Variants in OTOP1 observed in about 807,000 individuals in gnomAD.
OTOP1 encodes proton channel OTOP1.
OTOP1 carries 59 observed loss-of-function variants against 52.9 expected under a neutral mutation model. The observed-to-expected ratio is 1.12, with a 90% CI of 0.91 to 1.39. OTOP1 has a LOEUF of 1.39. OTOP1 is among the 40% of genes most tolerant of loss of function. The pLI is 0.00. For synonymous variants in OTOP1, 317 were observed against 337.7 expected (o/e 0.94, Z 0.67); for missense variants, 761 against 800.9 (o/e 0.95, Z 0.60).
intron 1 of OTOP1, among the ~76,000 whole-genome samples, chr4:4,221,010 C>G (rs1717288766): frequency 1.3e-5 from 2 of 151,656 alleles, no homozygotes; most frequent in African/African-American, 4.8e-5. Context: ...CCATCACCAG[C>G]TGGTACTTAC....
At chr4:4,220,105 A>ATATTTT (rs1434375771) in intron 1 of OTOP1, among the ~76,000 whole-genome samples, 2 of 59,394 alleles carry the variant, frequency 3.4e-5, no homozygotes, top group African/African-American at 5.1e-5. Context: ...ATATATATAT[A>ATATTTT]TTTTTTTTTT....
Position 4,213,011 on chromosome 4 carries a change from G to A in OTOP1, c.404-7C>T, listed in dbSNP as rs1386093054. ...GCAAACAATGTGATACTACCTAAATGTGGGATGAAGGGGGAAGTGGAAACA... is the reference window on the plus strand; with the variant it reads ...GCAAACAATGTGATACTACCTAAATATGGGATGAAGGGGGAAGTGGAAACA... On this transcript the variant is annotated splice_region_variant and splice_polypyrimidine_tract_variant and intron_variant, in intron 1 of 5. Transcript: ENST00000296358. 1.9e-6 allele frequency: 3 copies of A among 1,613,066 alleles called. No homozygotes were observed. Among genetic ancestry groups the A allele is most frequent in the East Asian group, 4.5e-5 (2 of 44,870 alleles).
Position 4,226,737 on chromosome 4 carries a change from G to T in OTOP1, c.128C>A (p.Ala43Asp). The T allele has an allele frequency of 1.4e-6, 2 of 1,396,618 alleles. No individual in the cohort carries two copies. Among genetic ancestry groups the T allele is most frequent in the South Asian group, 1.6e-5 (1 of 62,650 alleles). 86.5% of individuals were successfully genotyped at this position (1,396,618 alleles called of 1,614,324 possible). A position where few individuals can be genotyped will look rare whatever the true frequency, so the allele number is the denominator to read the frequency against. Residue 43 changes from alanine to aspartate, a missense_variant, in exon 1 of 6, where the codon GCC becomes GAC. Physicochemically the swap from Ala to Asp is moderately radical, Grantham distance 126 (BLOSUM62 -2). Coordinates refer to ENST00000296358, the MANE Select transcript of OTOP1 (RefSeq NM_177998.3). ...SSAPRSPESP[A>D]PRRGGVRASV... The stretch of plus-strand genomic sequence containing the variant: ...GGCGCGCACACCGCCCCGCCGGGGG[G>T]CCGGGGATTCCGGGGACCTCGGGGC...
chr4:4,222,924 C>T (rs1295618555), intron 1 of OTOP1, among the ~76,000 whole-genome samples: 1 of 152,204 alleles, frequency 6.6e-6, no homozygotes, highest in East Asian at 1.9e-4. Context: ...GCTTTGCAAA[C>T]TGCTTCTCTC....
At chr4:4,190,145 C>T (rs931497615) in intron 5 of OTOP1, among the ~76,000 whole-genome samples, 2 of 152,152 alleles carry the variant, frequency 1.3e-5, no homozygotes, top group African/African-American at 2.4e-5. Context: ...CAGGGACCTG[C>T]GGCTGTGGAT....
At chr4:4,202,716 G>T (rs2108799487) in intron 3 of OTOP1, 138 bp from the exon 4 acceptor site, 1 of 1,119,812 alleles carries the variant, frequency 8.9e-7, no homozygotes, top group East Asian at 2.6e-5. Context: ...TCAGGCTCTG[G>T]GTGGGCCCCC....
rs539274112 is a variant in OTOP1 at position 4,218,094 on chromosome 4, C to T, written c.404-5090G>A. Among the ~76,000 whole-genome samples, 16 of 152,218 alleles carry T rather than the reference C, an allele frequency of 1.1e-4. No individual in the cohort carries two copies. The South Asian group carries it at 1.9e-3, about 18-fold the overall frequency. On this transcript the variant is annotated intron_variant, in intron 1 of 5. Coordinates refer to ENST00000296358, the MANE Select transcript of OTOP1 (RefSeq NM_177998.3). ...GGCGAAATTCTATTAACTATCTCTA[C>T]AAAACCCCTAAGTTTGGCCAAGCAC...
chr4:4,208,407 C>T lies in OTOP1; in HGVS notation c.541-2277G>A, dbSNP rs372460965. 1.1e-4 allele frequency among the ~76,000 whole-genome samples: 17 copies of T among 152,264 alleles called. No individual in the cohort carries two copies. The East Asian group carries it at 1.3e-3, about 12-fold the overall frequency. On this transcript the variant is annotated intron_variant, in intron 2 of 5. Coordinates refer to ENST00000296358, the MANE Select transcript of OTOP1 (RefSeq NM_177998.3). ...GGCCCCAAGATTTATTTTCCTTTCA[C>T]AGTGGTATAGACATACAATGGAATT...
At position 4,199,220 on chromosome 4, in the gene OTOP1, T is replaced by TTGTG. The variant is rs151144007; in HGVS notation, c.731-1121_731-1118dup. Among the ~76,000 whole-genome samples, 53 of 54,200 alleles carry TTGTG rather than the reference T, an allele frequency of 9.8e-4. 2 individuals are homozygous for TTGTG. Among genetic ancestry groups the TTGTG allele is most frequent in the African/African-American group, 3.8e-3 (43 of 11,414 alleles). The allele number at this position is 54,200 out of a possible 152,430, so 35.6% of individuals were successfully genotyped here. A position where few individuals can be genotyped will look rare whatever the true frequency, so the allele number is the denominator to read the frequency against. ...TAATTTAAAAAAAACTCAGGTAAAATTGTGTGTGTGTGTGAGAGAGAGAGA... is the reference window on the plus strand; with the variant it reads ...TAATTTAAAAAAAACTCAGGTAAAATTGTGTGTGTGTGTGTGTGAGAGAGAGAGA... On this transcript the variant is annotated intron_variant, in intron 4 of 5. Coordinates refer to ENST00000296358, the MANE Select transcript of OTOP1 (RefSeq NM_177998.3).
chr4:4,221,941 T>C (rs1426315051), intron 1 of OTOP1, among the ~76,000 whole-genome samples: 3 of 152,072 alleles, frequency 2.0e-5, no homozygotes, highest in Admixed American at 2.0e-4. Flanking sequence ...AATGCTTTTC[T>C]TTATATTGAA....
At chr4:4,189,364 G>A (rs1223761072) in intron 5 of OTOP1, among the ~76,000 whole-genome samples, 2 of 152,204 alleles carry the variant, frequency 1.3e-5, no homozygotes, top group African/African-American at 2.4e-5. Flanking sequence ...TTTTGTTTGT[G>A]TTGTTCACGG....
intron 3 of OTOP1, among the ~76,000 whole-genome samples, chr4:4,202,866 A>G (rs1052167047): frequency 3.3e-5 from 5 of 152,244 alleles, no homozygotes; most frequent in African/African-American, 1.2e-4. Flanking sequence ...GCAGAGCTAG[A>G]GGGATGAAAA....
chr4:4,188,881 G>C lies in OTOP1; in HGVS notation c.1761C>G (p.Val587=). 6.2e-7 allele frequency: 1 copy of C among 1,613,924 alleles called. No homozygotes were observed. Among genetic ancestry groups the C allele is most frequent in the Non-Finnish European group, 8.5e-7 (1 of 1,179,836 alleles). Residue 587 remains valine (V), a synonymous_variant, in exon 6 of 6, where the codon GTC becomes GTG. Transcript: ENST00000296358. Reference sequence around the variant, plus strand: ...AAATAGAAAAAGGCATGGCCAGGTTGACCACAATTATCCAGGGTTCAAAGC... The same window carrying C: ...AAATAGAAAAAGGCATGGCCAGGTTCACCACAATTATCCAGGGTTCAAAGC... ...VFGFEPWIIV[V]NLAMPFSIFY...
chr4:4,223,534 C>T (rs1240034880), intron 1 of OTOP1, among the ~76,000 whole-genome samples: 1 of 151,962 alleles, frequency 6.6e-6, no homozygotes, highest in Non-Finnish European at 1.5e-5. Context: ...AAGAGCATTT[C>T]TTGGATAAGC....
chr4:4,221,237 G>A (rs375427231), intron 1 of OTOP1, among the ~76,000 whole-genome samples: 9 of 151,700 alleles, frequency 5.9e-5, no homozygotes, highest in East Asian at 3.9e-4. Flanking sequence ...TCCACATAGC[G>A]AGACCCCTGT....
chr4:4,192,719 C>T (rs1047882866), intron 5 of OTOP1, among the ~76,000 whole-genome samples: 1 of 152,170 alleles, frequency 6.6e-6, no homozygotes, highest in African/African-American at 2.4e-5. Context: ...TCACACTTGG[C>T]ACCTGTCACC....
chr4:4,216,096 G>C (rs1190244464), intron 1 of OTOP1, among the ~76,000 whole-genome samples: 1 of 152,080 alleles, frequency 6.6e-6, no homozygotes, highest in African/African-American at 2.4e-5. Flanking sequence ...ACTGAGCCCG[G>C]CTGAAAGTAT....
intron 1 of OTOP1, among the ~76,000 whole-genome samples, chr4:4,216,780 A>T (rs556804900): frequency 1.1e-4 from 17 of 152,156 alleles, no homozygotes; most frequent in Non-Finnish European, 2.2e-4. Context: ...CAGGCATGAA[A>T]CTGTAGAGAC....
intron 5 of OTOP1, among the ~76,000 whole-genome samples, chr4:4,195,980 T>C (rs1273603219): frequency 6.6e-6 from 1 of 152,186 alleles, no homozygotes; most frequent in Non-Finnish European, 1.5e-5. Context: ...AAGTCTTCAG[T>C]AGGTAGATTT....
Sources: gnomAD v4.1 joint callset for allele counts (sites outside exome capture counted in the v4.1 genomes callset) on GRCh38, gnomAD v4.1.1 for gene constraint, MANE v1.5 for transcripts, NCBI Gene and HGNC (gene_info 2026-07-23, HGNC 2026-07-21) for gene names.